The following PRUNE1 variants were observed in gnomAD, a reference collection of about 807,000 sequenced individuals.
PRUNE1 encodes the protein exopolyphosphatase PRUNE1.
In PRUNE1, 25 loss-of-function variants were observed where a neutral mutation model predicts 42.5. The observed-to-expected ratio is 0.59, with a 90% CI of 0.43 to 0.82. The LOEUF is 0.82. Among genes scored for constraint, PRUNE1 ranks in the 40% least tolerant of loss-of-function variants. The pLI is 0.00. For synonymous variants in PRUNE1, 203 were observed against 217.1 expected (o/e 0.93, Z 0.57); for missense variants, 443 against 539.3 (o/e 0.82, Z 1.77).
intron 1 of PRUNE1, chr1:151,008,887 T>G: frequency 1.4e-6 from 1 of 696,824 alleles, no homozygotes; most frequent in Non-Finnish European, 2.6e-6. Flanking sequence ...TCCCGGTTTT[T>G]GGCTCCCCGC....
At chr1:151,016,562 C>T (rs908237060) in intron 1 of PRUNE1, among the ~76,000 whole-genome samples, 9 of 151,916 alleles carry the variant, frequency 5.9e-5, no homozygotes, top group African/African-American at 1.2e-4. Flanking sequence ...AGTGCAAAGG[C>T]GCAATCTCGG....
chr1:151,025,158 T>TG (rs1553253749), intron 4 of PRUNE1, among the ~76,000 whole-genome samples: 10 of 150,150 alleles, frequency 6.7e-5, no homozygotes, highest in South Asian at 2.1e-4. Context: ...TTTCCACTTG[T>TG]AAAAAAAAAG....
At chr1:151,020,843 A>G (rs1269172001) in intron 3 of PRUNE1, among the ~76,000 whole-genome samples, 5 of 151,774 alleles carry the variant, frequency 3.3e-5, no homozygotes, top group African/African-American at 7.3e-5. Context: ...TTAGCCGGGC[A>G]TGGTGGCGGA....
At chr1:151,020,710 G>A (rs938728457) in intron 3 of PRUNE1, among the ~76,000 whole-genome samples, 4 of 152,138 alleles carry the variant, frequency 2.6e-5, no homozygotes, top group African/African-American at 7.2e-5. Context: ...GGCCAGGCGC[G>A]GTGGCTCATG....
At position 151,034,197 on chromosome 1, in the gene PRUNE1, T is replaced by C; in HGVS notation, c.1325T>C (p.Leu442Pro). Residue 442 changes from leucine (L) to proline (P), a missense_variant, in exon 8 of 8, where the codon CTG (leucine) becomes CCG (proline). Transcript: ENST00000271620. Reference sequence around the variant, plus strand: ...TTCGAGAAGTGCAGTCAGATCTCACTGTCACAGTCTACCACAGCCTCCCTG... The same window carrying C: ...TTCGAGAAGTGCAGTCAGATCTCACCGTCACAGTCTACCACAGCCTCCCTG... The part of the protein sequence containing the change: ...AVFEKCSQIS[L>P]SQSTTASLSK... The C allele has an allele frequency of 6.2e-7, 1 of 1,613,772 alleles. No individual in the cohort carries two copies. The highest frequency in any genetic ancestry group is 1.7e-5 in the Admixed American group (1 of 60,020).
intron 1 of PRUNE1, among the ~76,000 whole-genome samples, chr1:151,016,902 T>C (rs1674135573): frequency 2.0e-5 from 3 of 151,728 alleles, no homozygotes; most frequent in African/African-American, 7.3e-5. Context: ...GGCTCACGCC[T>C]GTAATCCCAG....
intron 1 of PRUNE1, among the ~76,000 whole-genome samples, chr1:151,014,273 C>T (rs1029946053): frequency 5.3e-5 from 8 of 152,202 alleles, no homozygotes; most frequent in African/African-American, 1.9e-4. Context: ...GCCACCGCGC[C>T]CGGCCTGCTT....
At chr1:151,029,818 A>C (rs1422100778) in intron 7 of PRUNE1, among the ~76,000 whole-genome samples, 1 of 151,964 alleles carries the variant, frequency 6.6e-6, no homozygotes, top group African/African-American at 2.4e-5. Flanking sequence ...AATACGAGAG[A>C]CCTTTTCTGC....
At chr1:151,023,513 T>A (rs962477293) in intron 3 of PRUNE1, among the ~76,000 whole-genome samples, 3 of 150,260 alleles carry the variant, frequency 2.0e-5, no homozygotes, top group Admixed American at 2.0e-4. Context: ...AGGTCAGGAG[T>A]TCGAGACCAG....
chr1:151,027,783 C>T (rs2864702), intron 6 of PRUNE1, among the ~76,000 whole-genome samples: 73,820 of 127,676 alleles, frequency 0.58, 23,464 homozygotes, highest in East Asian at 0.84. Context: ...TGTGTGTGTG[C>T]GCGCGCGTGT....
At position 151,020,961 on chromosome 1, in the gene PRUNE1, C is replaced by T. The variant is rs1006125589; in HGVS notation, c.335+2292C>T. On this transcript the variant is annotated intron_variant, in intron 3 of 7. Coordinates refer to ENST00000271620, the MANE Select transcript of PRUNE1 (RefSeq NM_021222.3). ...CATGCCACTTGCACTCCAGCCTGGG[C>T]GACAGAGCAAGACTCCATCTTAAAA... Among the ~76,000 whole-genome samples, 5 of 148,510 alleles carry T rather than the reference C, an allele frequency of 3.4e-5. No homozygotes were observed. The East Asian group carries it at 6.0e-4, about 18-fold the overall frequency.
intron 7 of PRUNE1, among the ~76,000 whole-genome samples, chr1:151,030,845 C>T (rs1381933572): frequency 6.6e-6 from 1 of 152,164 alleles, no homozygotes. Flanking sequence ...TTGCCTCTTA[C>T]TCACTCTTTG....
At position 151,033,814 on chromosome 1, in the gene PRUNE1, A is replaced by C. The variant is rs1398730792; in HGVS notation, c.942A>C (p.Glu314Asp). The C allele has an allele frequency of 6.2e-7, 1 of 1,612,832 alleles. No individual in the cohort carries two copies. The highest frequency in any genetic ancestry group is 8.5e-7 in the Non-Finnish European group (1 of 1,179,100). Residue 314 changes from glutamate to aspartate, a missense_variant, in exon 8 of 8, where the codon GAA becomes GAC. Physicochemically the swap from Glu to Asp is conservative, Grantham distance 45. Transcript: ENST00000271620. ...TATTGTCTCCTCTTTAGATCTGTGA[A>C]GTCCTGGAACGCTCCCACTCTCCAC... is the stretch of plus-strand genomic sequence containing the variant. ...PHVALQTTIC[E>D]VLERSHSPPL...
intron 7 of PRUNE1, among the ~76,000 whole-genome samples, 171 bp downstream of exon 7, chr1:151,029,115 C>T (rs1252799830): frequency 6.6e-6 from 1 of 151,210 alleles, no homozygotes; most frequent in African/African-American, 2.5e-5. Context: ...CTGCTTTTTC[C>T]CATTCTCTCT....
At position 151,008,608 on chromosome 1, in the gene PRUNE1, G is replaced by A. The variant is rs1461975538; in HGVS notation, c.-25G>A. 2.5e-6 allele frequency: 4 copies of A among 1,614,034 alleles called. No individual in the cohort carries two copies. Among genetic ancestry groups the A allele is most frequent in the African/African-American group, 2.7e-5 (2 of 74,934 alleles). On this transcript the variant is annotated 5_prime_UTR_variant, in exon 1 of 8. Coordinates refer to ENST00000271620, the MANE Select transcript of PRUNE1 (RefSeq NM_021222.3). ...CAGGGGCACCTCTACTCGACCAGGG[G>A]CGACGGCGTACTTTGGGCTTCATCA...
intron 1 of PRUNE1, among the ~76,000 whole-genome samples, chr1:151,016,572 G>C (rs1029548817): frequency 3.3e-5 from 5 of 151,924 alleles, no homozygotes; most frequent in Admixed American, 2.0e-4. Context: ...CGCAATCTCG[G>C]CTCACTGCAA....
At chr1:151,016,647 G>A (rs1286434822) in intron 1 of PRUNE1, among the ~76,000 whole-genome samples, 3 of 151,658 alleles carry the variant, frequency 2.0e-5, no homozygotes, top group African/African-American at 7.3e-5. Context: ...GATTACAGGC[G>A]CATACCACCA....
At chr1:151,014,271 G>A (rs966102232) in intron 1 of PRUNE1, among the ~76,000 whole-genome samples, 13 of 152,182 alleles carry the variant, frequency 8.5e-5, no homozygotes, top group African/African-American at 2.7e-4. Context: ...AAGCCACCGC[G>A]CCCGGCCTGC....
At chr1:151,029,044 T>G (rs1282583358) in intron 7 of PRUNE1, 100 bp downstream of exon 7, 1 of 1,267,582 alleles carries the variant, frequency 7.9e-7, no homozygotes, top group Non-Finnish European at 1.1e-6. Flanking sequence ...TCTTAGGTTC[T>G]TATATTAATG....
Sources: gnomAD v4.1 joint callset for allele counts (sites outside exome capture counted in the v4.1 genomes callset) on GRCh38, gnomAD v4.1.1 for gene constraint, MANE v1.5 for transcripts, NCBI Gene and HGNC (gene_info 2026-07-23, HGNC 2026-07-21) for gene names.